SLC4A5: variants seen among roughly 807,000 people sequenced by gnomAD.
SLC4A5 encodes solute carrier family 4 member 5.
Under a neutral mutation model 120.4 loss-of-function variants are expected in SLC4A5, and 96 were observed. That is an observed-to-expected ratio of 0.80 (90% CI 0.68 to 0.94). The LOEUF (loss-of-function observed/expected upper bound fraction) is 0.94. Among genes scored for constraint, SLC4A5 ranks in the 40% least tolerant of loss-of-function variants. SLC4A5 has a pLI of 0.00. For missense variants in SLC4A5, 1,259 were observed against 1,459.5 expected, an observed-to-expected ratio of 0.86 and a Z score of 2.24; for synonymous variants, 550 against 571.1, an observed-to-expected ratio of 0.96 and a Z score of 0.53.
At chr2:74,286,870 G>A (rs563935526) in intron 7 of SLC4A5, among the ~76,000 whole-genome samples, 16 of 152,264 alleles carry the variant, frequency 1.1e-4, no homozygotes, top group Admixed American at 5.2e-4. Context: ...TGGTGGAAAC[G>A]TGCTGGTGAG....
chr2:74,259,578 G>T lies in SLC4A5; in HGVS notation c.867+10C>A. On this transcript the variant is annotated intron_variant, in intron 12 of 30. Transcript: ENST00000394019. ...CCCTCCATTGCAGCTAAGTGCAGGGGTTTTACTACCTGGTCTGTGTTTGGG... is the reference window on the plus strand; with the variant it reads ...CCCTCCATTGCAGCTAAGTGCAGGGTTTTTACTACCTGGTCTGTGTTTGGG... The T allele has an allele frequency of 6.2e-7, 1 of 1,614,152 alleles. No individual in the cohort carries two copies. Among genetic ancestry groups the T allele is most frequent in the Non-Finnish European group, 8.5e-7 (1 of 1,179,982 alleles).
intron 11 of SLC4A5, 38 bp downstream of exon 11, chr2:74,262,099 G>A: frequency 1.9e-6 from 3 of 1,591,258 alleles, no homozygotes; most frequent in South Asian, 2.2e-5. Context: ...GCCACAGCCT[G>A]AATAAAGCTG....
chr2:74,338,873 CTT>C (rs1673559873), exon 3 of SLC4A5: 1 of 152,106 alleles, frequency 6.6e-6, no homozygotes, highest in African/African-American at 2.4e-5. Flanking sequence ...AGCAGCAACT[CTT>C]TATCTGGAAG....
chr2:74,239,349 A>G, exon 21 of SLC4A5: 1 of 1,614,206 alleles, frequency 6.2e-7, no homozygotes, highest in Non-Finnish European at 8.5e-7. Context: ...GTAGGAAAAT[A>G]GCGGCTGAAT....
chr2:74,223,237 CT>C (rs539102054), intron 28 of SLC4A5, among the ~76,000 whole-genome samples: 108 of 152,208 alleles, frequency 7.1e-4, no homozygotes, highest in Admixed American at 1.7e-3. Context: ...AACTCCTGAC[CT>C]TGTGATCCCC....
At chr2:74,328,273 G>T in intron 4 of SLC4A5, 87 bp from the exon 5 acceptor site, 6 of 839,852 alleles carry the variant, frequency 7.1e-6, no homozygotes, top group Non-Finnish European at 8.6e-6. Context: ...GCTCAGTGGC[G>T]GCCAGCCATG....
chr2:74,222,799 G>C (rs979685632), intron 29 of SLC4A5, 69 bp downstream of exon 29: 5 of 1,372,660 alleles, frequency 3.6e-6, no homozygotes, highest in African/African-American at 2.9e-5. Context: ...AGTTACAGAT[G>C]AAAGTTCCTA....
intron 12 of SLC4A5, among the ~76,000 whole-genome samples, 181 bp from the exon 13 acceptor site, chr2:74,256,113 C>A (rs921607761): frequency 2.0e-5 from 3 of 152,212 alleles, no homozygotes; most frequent in Non-Finnish European, 4.4e-5. Flanking sequence ...TGTAGGTTAA[C>A]CCCAGGCACC....
chr2:74,326,646 C>G (rs1216893519), intron 5 of SLC4A5, among the ~76,000 whole-genome samples: 1 of 152,098 alleles, frequency 6.6e-6, no homozygotes, highest in Non-Finnish European at 1.5e-5. Context: ...TGGTGAAACC[C>G]TGTCTCTACT....
intron 5 of SLC4A5, among the ~76,000 whole-genome samples, chr2:74,320,551 C>CT (rs904688626): frequency 8.5e-5 from 13 of 152,120 alleles, no homozygotes; most frequent in Non-Finnish European, 1.5e-4. Context: ...CCCAATCAAG[C>CT]TATCAATCAA....
At chr2:74,305,106 C>CTACA (rs1672602684) in intron 6 of SLC4A5, among the ~76,000 whole-genome samples, 1 of 152,166 alleles carries the variant, frequency 6.6e-6, no homozygotes, top group African/African-American at 2.4e-5. Context: ...CAATCAAGGA[C>CTACA]TACATAGACT....
chr2:74,229,261 G>A (rs1379844192), intron 25 of SLC4A5, among the ~76,000 whole-genome samples: 2 of 148,302 alleles, frequency 1.3e-5, no homozygotes, highest in Non-Finnish European at 3.0e-5. Context: ...TTTTTTTTTG[G>A]GGGGGGCACG....
chr2:74,220,813 G>T (rs1360840385), intron 30 of SLC4A5, among the ~76,000 whole-genome samples: 2 of 146,066 alleles, frequency 1.4e-5, no homozygotes, highest in African/African-American at 5.1e-5. Flanking sequence ...ACCGCGCCTG[G>T]CTTCTGTTTT....
intron 11 of SLC4A5, among the ~76,000 whole-genome samples, chr2:74,260,844 C>T (rs191821537): frequency 2.6e-4 from 39 of 152,310 alleles, no homozygotes; most frequent in African/African-American, 8.4e-4. Context: ...GAATAAAACC[C>T]GGGTTCTTTT....
intron 8 of SLC4A5, among the ~76,000 whole-genome samples, chr2:74,269,420 A>T (rs1303393063): frequency 6.6e-6 from 1 of 151,060 alleles, no homozygotes; most frequent in Non-Finnish European, 1.5e-5. Flanking sequence ...TTTAGTAGAG[A>T]CAGGGTTTCA....
chr2:74,333,231 C>A (rs1185055612), intron 4 of SLC4A5, among the ~76,000 whole-genome samples: 1 of 152,018 alleles, frequency 6.6e-6, no homozygotes, highest in African/African-American at 2.4e-5. Flanking sequence ...GCCCCCACAA[C>A]AAAAAAATTA....
At chr2:74,331,895 T>C (rs939238095) in intron 4 of SLC4A5, among the ~76,000 whole-genome samples, 1 of 152,138 alleles carries the variant, frequency 6.6e-6, no homozygotes, top group Non-Finnish European at 1.5e-5. Context: ...TCTTCTGGAT[T>C]TCCTCCTTCT....
intron 14 of SLC4A5, among the ~76,000 whole-genome samples, chr2:74,254,303 A>G (rs746023220): frequency 3.3e-5 from 5 of 152,092 alleles, no homozygotes; most frequent in Non-Finnish European, 7.4e-5. Flanking sequence ...TGCTTGCCTC[A>G]CAGCCTGGTG....
chr2:74,270,597 C>T (rs1254288745), intron 8 of SLC4A5, among the ~76,000 whole-genome samples: 3 of 152,288 alleles, frequency 2.0e-5, no homozygotes, highest in Admixed American at 6.5e-5. Context: ...GGCGTGAACC[C>T]GGGAGGCGGA....
Sources: allele counts gnomAD v4.1 joint callset (sites outside exome capture counted in the v4.1 genomes callset), GRCh38; gene constraint gnomAD v4.1.1; transcripts MANE v1.5; gene names NCBI Gene and HGNC (gene_info 2026-07-23, HGNC 2026-07-21).